The following AKT3 variants were observed in gnomAD, a reference collection of about 807,000 sequenced individuals.
AKT3 encodes the protein RAC-gamma serine/threonine-protein kinase.
A neutral mutation model predicts 65.3 loss-of-function variants in AKT3; 15 were observed. That is an observed-to-expected ratio of 0.23 (90% CI 0.15 to 0.35). AKT3 has a LOEUF of 0.35. Among genes scored for constraint, AKT3 ranks in the 10% least tolerant of loss-of-function variants. The pLI is 1.00. For synonymous variants in AKT3, 206 were observed against 183.8 expected, an observed-to-expected ratio of 1.12 and a Z score of -0.98; for missense variants, 243 against 576.5, an observed-to-expected ratio of 0.42 and a Z score of 5.92.
At chr1:243,754,733 C>T (rs1044333491) in intron 2 of AKT3, among the ~76,000 whole-genome samples, 1 of 152,158 alleles carries the variant, frequency 6.6e-6, no homozygotes, top group Non-Finnish European at 1.5e-5. Flanking sequence ...TGAAGTGCAA[C>T]AGTTTCATCC....
chr1:243,667,555 C>T (rs533509843), intron 3 of AKT3, among the ~76,000 whole-genome samples: 10 of 152,186 alleles, frequency 6.6e-5, no homozygotes, highest in African/African-American at 9.6e-5. Context: ...CTCACCACCT[C>T]CACTACCTCA....
intron 2 of AKT3, among the ~76,000 whole-genome samples, chr1:243,833,688 G>A (rs1694690954): frequency 6.6e-6 from 1 of 151,848 alleles, no homozygotes; most frequent in Non-Finnish European, 1.5e-5. Flanking sequence ...AGAAGAAAAT[G>A]AAATGACATA....
chr1:243,539,328 T>G (rs1672139491), intron 12 of AKT3, among the ~76,000 whole-genome samples: 2 of 152,170 alleles, frequency 1.3e-5, no homozygotes, highest in Non-Finnish European at 2.9e-5. Context: ...TCCTTATGAT[T>G]TTATTAATAA....
intron 2 of AKT3, chr1:243,741,939 A>T (rs1688175223): frequency 6.6e-6 from 1 of 152,056 alleles, no homozygotes; most frequent in South Asian, 2.1e-4. Context: ...CTGTGTATTA[A>T]CAGTATTCAA....
Position 243,794,367 on chromosome 1 carries a change from G to A in AKT3, c.46+48758C>T, listed in dbSNP as rs148216165. 43 of 152,292 alleles carry A rather than the reference G, an allele frequency of 2.8e-4. No individual in the cohort carries two copies. The East Asian group carries it at 8.3e-3, about 29-fold the overall frequency. The allele number at this position is 152,292 out of a possible 1,614,324, so 9.4% of individuals were successfully genotyped here. A position where few individuals can be genotyped will look rare whatever the true frequency, so the allele number is the denominator to read the frequency against. ...TCTTCATTAAAAAATACTATACAAT[G>A]TGATTAGGTTTCCCTGGGAACTTAC... On this transcript the variant is annotated intron_variant, in intron 2 of 13. Coordinates refer to ENST00000673466, the MANE Select transcript of AKT3 (RefSeq NM_005465.7).
chr1:243,511,241 T>G (rs1361106378), intron 13 of AKT3, among the ~76,000 whole-genome samples: 2 of 152,348 alleles, frequency 1.3e-5, no homozygotes, highest in East Asian at 3.9e-4. Flanking sequence ...CTTAACTTTT[T>G]GTGAATCTAA....
intron 2 of AKT3, among the ~76,000 whole-genome samples, chr1:243,798,533 C>G (rs955065933): frequency 6.7e-6 from 1 of 149,314 alleles, no homozygotes; most frequent in African/African-American, 2.5e-5. Flanking sequence ...AGACTTTGTG[C>G]CAGGCCTTCT....
At chr1:243,714,709 A>AT (rs368457371) in intron 2 of AKT3, among the ~76,000 whole-genome samples, 2 of 152,050 alleles carry the variant, frequency 1.3e-5, no homozygotes, top group East Asian at 1.9e-4. Flanking sequence ...AAGCTTTCAC[A>AT]TTTTTTTTAA....
At chr1:243,626,158 A>G (rs1679144978) in intron 6 of AKT3, among the ~76,000 whole-genome samples, 1 of 152,204 alleles carries the variant, frequency 6.6e-6, no homozygotes, top group Non-Finnish European at 1.5e-5. Flanking sequence ...AAAATCTATC[A>G]ATGGTCCAAG....
At chr1:243,632,442 A>T (rs1323849090) in intron 6 of AKT3, among the ~76,000 whole-genome samples, 1 of 152,192 alleles carries the variant, frequency 6.6e-6, no homozygotes, top group Non-Finnish European at 1.5e-5. Flanking sequence ...ATTCAGTAAA[A>T]CATACTGTAA....
At chr1:243,517,901 A>C (rs1429978646) in intron 12 of AKT3, among the ~76,000 whole-genome samples, 3 of 152,248 alleles carry the variant, frequency 2.0e-5, no homozygotes, top group Non-Finnish European at 2.9e-5. Context: ...CAACTCCTAA[A>C]ACAGTCCTTG....
intron 12 of AKT3, among the ~76,000 whole-genome samples, chr1:243,523,765 G>A (rs1223590777): frequency 2.0e-5 from 3 of 152,088 alleles, no homozygotes; most frequent in African/African-American, 2.4e-5. Context: ...AACACAACCC[G>A]CATCACATGA....
chr1:243,797,746 T>C (rs1037474232), intron 2 of AKT3, among the ~76,000 whole-genome samples: 1 of 152,082 alleles, frequency 6.6e-6, no homozygotes. Flanking sequence ...CATGACAATA[T>C]AGTTCCTTTA....
At chr1:243,675,740 G>A (rs1024232964) in intron 3 of AKT3, among the ~76,000 whole-genome samples, 9 of 151,924 alleles carry the variant, frequency 5.9e-5, no homozygotes, top group Non-Finnish European at 8.8e-5. Context: ...TGATGTTCTT[G>A]GCTCCCTATC....
chr1:243,511,052 T>C (rs1669980320), intron 13 of AKT3, among the ~76,000 whole-genome samples: 2 of 152,250 alleles, frequency 1.3e-5, no homozygotes, highest in Non-Finnish European at 2.9e-5. Context: ...CTGTGACTCT[T>C]AGTGATTCTA....
At chr1:243,781,156 CATG>C (rs1690886465) in intron 2 of AKT3, among the ~76,000 whole-genome samples, 1 of 151,976 alleles carries the variant, frequency 6.6e-6, no homozygotes. Flanking sequence ...TCTTTATAAA[CATG>C]ATACCACATA....
intron 8 of AKT3, among the ~76,000 whole-genome samples, chr1:243,595,862 T>C (rs1676572845): frequency 6.6e-6 from 1 of 152,144 alleles, no homozygotes; most frequent in Non-Finnish European, 1.5e-5. Context: ...AGTAATACAC[T>C]TTAAGAAACA....
rs1192924878 is a variant in AKT3, at chr1:243,611,710, C to T, written c.696+1961G>A. Among the ~76,000 whole-genome samples, 9 of 152,018 alleles carry T rather than the reference C, an allele frequency of 5.9e-5. No individual in the cohort carries two copies. The East Asian group carries it at 1.7e-3, about 29-fold the overall frequency. The stretch of plus-strand genomic sequence containing the variant: ...AAAAAAAAAAGATGTACCAATCCTA[C>T]AGTTCCACAACATCCATTTTCTTCG... On this transcript the variant is annotated intron_variant, in intron 8 of 13. Coordinates refer to ENST00000673466, the MANE Select transcript of AKT3 (RefSeq NM_005465.7).
intron 6 of AKT3, among the ~76,000 whole-genome samples, chr1:243,618,523 T>C (rs549530428): frequency 6.6e-6 from 1 of 152,272 alleles, no homozygotes; most frequent in African/African-American, 2.4e-5. Context: ...AACAATGTGA[T>C]GCCTTTTAAA....
Sources: gnomAD v4.1 joint callset for allele counts (sites outside exome capture counted in the v4.1 genomes callset) on GRCh38, gnomAD v4.1.1 for gene constraint, MANE v1.5 for transcripts, NCBI Gene and HGNC (gene_info 2026-07-23, HGNC 2026-07-21) for gene names.